The following LIMS1 variants were observed in gnomAD, a reference collection of about 807,000 sequenced individuals.
The protein encoded by LIMS1 is LIM and senescent cell antigen-like-containing domain protein 1.
In LIMS1, 18 loss-of-function variants were observed where a neutral mutation model predicts 44.1. The ratio of observed to expected loss-of-function variants is 0.41; its 90% CI spans 0.28 to 0.61. The LOEUF is 0.61. LIMS1 is among the 20% of genes least tolerant of loss of function. LIMS1 has a pLI of 0.32. For missense variants in LIMS1, 201 were observed against 422.0 expected (o/e 0.48, Z 4.59); for synonymous variants, 93 against 149.1 (o/e 0.62, Z 2.74).
At chr2:108,635,629 G>A (rs151165008) in intron 1 of LIMS1, among the ~76,000 whole-genome samples, 3 of 132,318 alleles carry the variant, frequency 2.3e-5, no homozygotes, top group East Asian at 3.9e-4. Context: ...GAACCCAGGA[G>A]GGGGAGGTTT....
intron 1 of LIMS1, among the ~76,000 whole-genome samples, chr2:108,646,382 T>C (rs1447949769): frequency 2.0e-5 from 3 of 152,176 alleles, no homozygotes; most frequent in African/African-American, 7.2e-5. Flanking sequence ...GAATGACTAC[T>C]GGGTAAATAA....
intron 1 of LIMS1, among the ~76,000 whole-genome samples, chr2:108,556,180 A>G (rs1439087388): frequency 6.6e-6 from 1 of 152,152 alleles, no homozygotes; most frequent in East Asian, 1.9e-4. Flanking sequence ...TACGTCATAT[A>G]AGTAGAATCA....
intron 2 of LIMS1, among the ~76,000 whole-genome samples, chr2:108,668,449 T>C (rs1222639979): frequency 2.6e-5 from 4 of 152,196 alleles, no homozygotes; most frequent in Non-Finnish European, 5.9e-5. Flanking sequence ...ATTCCACATA[T>C]GAGTGAGATC....
chr2:108,604,855 A>G (rs1687190335), intron 1 of LIMS1, among the ~76,000 whole-genome samples: 1 of 152,206 alleles, frequency 6.6e-6, no homozygotes, highest in Non-Finnish European at 1.5e-5. Flanking sequence ...TCCGCCAGGT[A>G]AGAGCAATTT....
intron 1 of LIMS1, among the ~76,000 whole-genome samples, chr2:108,537,154 G>A (rs1267423173): frequency 2.0e-5 from 3 of 152,290 alleles, no homozygotes; most frequent in African/African-American, 2.4e-5. Flanking sequence ...TGCACTATCT[G>A]TGTGTCAACA....
chr2:108,559,591 A>G (rs1277470910), intron 1 of LIMS1, among the ~76,000 whole-genome samples: 1 of 152,204 alleles, frequency 6.6e-6, no homozygotes, highest in Non-Finnish European at 1.5e-5. Context: ...TAATCTCTTT[A>G]TAGGATCACA....
intron 1 of LIMS1, among the ~76,000 whole-genome samples, chr2:108,627,283 A>T (rs1333963483): frequency 6.6e-6 from 1 of 152,140 alleles, no homozygotes; most frequent in Admixed American, 6.5e-5. Context: ...TAAGCAATGT[A>T]TGACTAGTAG....
In LIMS1 at chr2:108,681,227, T is replaced by C. The variant is rs1573632361; in HGVS notation, c.899+457T>C. The C allele has an allele frequency of 3.2e-6, 4 of 1,253,862 alleles. No individual in the cohort carries two copies. The East Asian group carries it at 9.3e-5, about 29-fold the overall frequency. 77.7% of individuals were successfully genotyped at this position (1,253,862 alleles called of 1,614,324 possible). Reference sequence around the variant, plus strand: ...TGCTTTCTTCCCCCCCTGCAACTTTTGGGCATGTATTTGTAGTCATCAGAG... The same window carrying C: ...TGCTTTCTTCCCCCCCTGCAACTTTCGGGCATGTATTTGTAGTCATCAGAG... On this transcript the variant is annotated intron_variant, in intron 9 of 9. Coordinates refer to ENST00000544547, the Ensembl canonical transcript of LIMS1.
chr2:108,601,106 G>C (rs1161972781), intron 1 of LIMS1, among the ~76,000 whole-genome samples: 1 of 152,086 alleles, frequency 6.6e-6, no homozygotes, highest in East Asian at 1.9e-4. Flanking sequence ...TTCTGTGCGG[G>C]AGATGCCTGA....
chr2:108,534,531 G>C, exon 1 of LIMS1: 4 of 1,207,774 alleles, frequency 3.3e-6, no homozygotes, highest in Non-Finnish European at 4.2e-6. Flanking sequence ...GAGACGAGGG[G>C]CTGAGAGACG....
chr2:108,546,817 C>A (rs1417243350), intron 1 of LIMS1, among the ~76,000 whole-genome samples: 1 of 151,900 alleles, frequency 6.6e-6, no homozygotes, highest in Non-Finnish European at 1.5e-5. Context: ...TTCTATAAAG[C>A]ACCTGTAAAT....
chr2:108,630,931 T>C (rs1014485090), intron 1 of LIMS1, among the ~76,000 whole-genome samples: 1 of 152,198 alleles, frequency 6.6e-6, no homozygotes, highest in African/African-American at 2.4e-5. Flanking sequence ...AAAGTGAAAA[T>C]GGTAATGTAG....
At chr2:108,583,660 T>G (rs1451458267) in intron 1 of LIMS1, among the ~76,000 whole-genome samples, 1 of 151,456 alleles carries the variant, frequency 6.6e-6, no homozygotes, top group East Asian at 1.9e-4. Context: ...CAGAATAGTC[T>G]GTGGAAAGCA....
chr2:108,656,574 G>T (rs1200790144), intron 1 of LIMS1, among the ~76,000 whole-genome samples: 1 of 151,520 alleles, frequency 6.6e-6, no homozygotes, highest in Non-Finnish European at 1.5e-5. Context: ...AGAGGAAAGG[G>T]AAGCCTGACT....
At chr2:108,646,241 A>G (rs931639008) in intron 1 of LIMS1, among the ~76,000 whole-genome samples, 1 of 152,052 alleles carries the variant, frequency 6.6e-6, no homozygotes, top group East Asian at 1.9e-4. Flanking sequence ...GAAGTAAAAC[A>G]CTCCTCAGCA....
chr2:108,628,310 T>A (rs1165057029), intron 1 of LIMS1, among the ~76,000 whole-genome samples: 1 of 152,240 alleles, frequency 6.6e-6, no homozygotes, highest in Non-Finnish European at 1.5e-5. Flanking sequence ...TTCCTTTGTC[T>A]TTCAGTGTCT....
At chr2:108,650,172 G>A (rs1000051512) in intron 1 of LIMS1, among the ~76,000 whole-genome samples, 3 of 152,148 alleles carry the variant, frequency 2.0e-5, no homozygotes, top group African/African-American at 7.2e-5. Context: ...AGTAGTTTCA[G>A]TCAAATTTGT....
At chr2:108,667,551 A>AAAATAT (rs765279788) in intron 2 of LIMS1, among the ~76,000 whole-genome samples, 5,668 of 130,286 alleles carry the variant, frequency 0.044, 217 homozygotes, top group African/African-American at 0.095. Flanking sequence ...AAAAAAAAAA[A>AAAATAT]ATATATATAT....
intron 1 of LIMS1, among the ~76,000 whole-genome samples, chr2:108,617,997 C>T (rs1257814867): frequency 6.6e-6 from 1 of 152,186 alleles, no homozygotes; most frequent in Non-Finnish European, 1.5e-5. Context: ...TCCTCAAGAA[C>T]CACTGGGCAT....
Sources: gnomAD v4.1 joint callset for allele counts (sites outside exome capture counted in the v4.1 genomes callset) on GRCh38, gnomAD v4.1.1 for gene constraint, MANE v1.5 for transcripts, NCBI Gene and HGNC (gene_info 2026-07-23, HGNC 2026-07-21) for gene names.